Variants in DAG1 observed in about 807,000 individuals in gnomAD.
The protein encoded by DAG1 is dystroglycan 1, also known as dystroglycan 1 (dystrophin-associated glycoprotein 1).
A neutral mutation model predicts 46.1 loss-of-function variants in DAG1; 8 were observed. The ratio of observed to expected loss-of-function variants is 0.17; its 90% CI spans 0.10 to 0.31. The LOEUF is 0.31. Among genes scored for constraint, DAG1 ranks in the 10% least tolerant of loss-of-function variants. DAG1 has a pLI of 1.00. For missense variants in DAG1, 1,003 were observed against 1,189.9 expected (o/e 0.84, Z 2.31); for synonymous variants, 495 against 481.8 (o/e 1.03, Z -0.36).
At position 49,483,562 on chromosome 3, in the gene DAG1, T is replaced by G. The variant is rs920425048; in HGVS notation, c.-117+13129T>G. Among the ~76,000 whole-genome samples, 9 of 151,992 alleles carry G rather than the reference T, an allele frequency of 5.9e-5. No homozygotes were observed. The South Asian group carries it at 1.9e-3, about 32-fold the overall frequency. ...TCAGGGATACGTTGCCGTCTAGGAT[T>G]TTTTATATTGGAGACCAGTCTGATG... On this transcript the variant is annotated intron_variant, in intron 1 of 2. Coordinates refer to ENST00000308775, the MANE Select transcript of DAG1 (RefSeq NM_004393.6).
intron 2 of DAG1, among the ~76,000 whole-genome samples, chr3:49,521,605 G>T (rs746242107): frequency 2.0e-5 from 3 of 151,878 alleles, no homozygotes; most frequent in Non-Finnish European, 4.4e-5. Flanking sequence ...GGACCACCAC[G>T]CCCAGCTAAT....
intron 1 of DAG1, among the ~76,000 whole-genome samples, chr3:49,472,748 A>G (rs2049559257): frequency 6.6e-6 from 1 of 151,866 alleles, no homozygotes; most frequent in African/African-American, 2.4e-5. Context: ...CGGAGCTTGC[A>G]GTGAGTTGAG....
At chr3:49,479,937 C>G (rs1184555322) in intron 1 of DAG1, among the ~76,000 whole-genome samples, 2 of 128,884 alleles carry the variant, frequency 1.6e-5, no homozygotes, top group Non-Finnish European at 3.3e-5. Flanking sequence ...CCCGCGCCAG[C>G]CTGAATATAA....
Position 49,532,989 on chromosome 3 carries a change from AC to A in DAG1, c.2483del (p.Pro828LeufsTer15). The A allele has an allele frequency of 2.5e-6, 4 of 1,612,960 alleles. No homozygotes were observed. Among genetic ancestry groups the A allele is most frequent in the Non-Finnish European group, 3.4e-6 (4 of 1,179,758 alleles). On this transcript the variant is annotated frameshift_variant, in exon 3 of 3. Coordinates refer to ENST00000308775, the MANE Select transcript of DAG1 (RefSeq NM_004393.6). LOFTEE classifies it high-confidence loss of function. This position sits in a 1 kb window ranked among gnomAD's most constrained non-coding sequence, Gnocchi z 5.4. ...TTCTGCAGGAGGAGAAGGCTCCCCT[AC>A]CCCCTCCTGAGTACCCCAACCAGAG... ...LILQEEKAPL[P>X]PPEYPNQSVP...
At chr3:49,527,564 G>A (rs1274048154) in intron 2 of DAG1, among the ~76,000 whole-genome samples, 4 of 149,412 alleles carry the variant, frequency 2.7e-5, no homozygotes, top group Admixed American at 1.3e-4. Flanking sequence ...TTAGCCAGGC[G>A]TGGTGGCGGG....
intron 2 of DAG1, among the ~76,000 whole-genome samples, chr3:49,514,759 C>T (rs2050852761): frequency 6.6e-6 from 1 of 152,116 alleles, no homozygotes; most frequent in Non-Finnish European, 1.5e-5. Context: ...CTGCCTCAGC[C>T]TCCTGAGTAG....
At chr3:49,485,189 G>A (rs1248694279) in intron 1 of DAG1, among the ~76,000 whole-genome samples, 3 of 151,850 alleles carry the variant, frequency 2.0e-5, no homozygotes, top group African/African-American at 7.3e-5. Flanking sequence ...GGGTTTCACC[G>A]TGGTCTTGAT....
In DAG1 at chr3:49,533,295, C is replaced by T. The variant is rs770368348; in HGVS notation, c.*96C>T. ...CGGTGGCCTGCAGACCATTGCCCAC[C>T]GGGAGCCGACACCTGACCTAGCACA... On this transcript the variant is annotated 3_prime_UTR_variant, in exon 3 of 3. Transcript: ENST00000308775. 14 of 1,546,758 alleles carry T rather than the reference C, an allele frequency of 9.1e-6. No homozygotes were observed. Among genetic ancestry groups the T allele is most frequent in the Middle Eastern group, 1.7e-4 (1 of 6,004 alleles).
At chr3:49,497,486 A>G (rs528979234) in intron 1 of DAG1, among the ~76,000 whole-genome samples, 2 of 151,634 alleles carry the variant, frequency 1.3e-5, no homozygotes, top group South Asian at 4.2e-4. Context: ...TGGTGCTGTG[A>G]ACCAGTAGTC....
chr3:49,532,430 G>A lies in DAG1; in HGVS notation c.1919G>A (p.Arg640Gln), dbSNP rs753665385. 8 of 1,614,204 alleles carry A rather than the reference G, an allele frequency of 5.0e-6. No homozygotes were observed. The highest frequency in any genetic ancestry group is 2.2e-5 in the East Asian group (1 of 44,884). ...AAACTGGCCTTCGCCTTTGGAGACC[G>A]AAACTGTAGCACCATCACCCTGCAG... ...VKKLAFAFGD[R>Q]NCSTITLQNI... Residue 640 changes from arginine (R) to glutamine (Q), a missense_variant, in exon 3 of 3, where the codon CGA becomes CAA. Around this residue, in one of 3 missense-constraint regions of DAG1, gnomAD observed 755 missense variants for 854.1 expected, o/e 0.88. Coordinates refer to ENST00000308775, the MANE Select transcript of DAG1 (RefSeq NM_004393.6). The surrounding 1 kb of genome is among the most constrained non-coding windows in gnomAD (Gnocchi z 5.4).
intron 1 of DAG1, among the ~76,000 whole-genome samples, chr3:49,480,001 G>A (rs976806475): frequency 1.4e-5 from 2 of 143,208 alleles, no homozygotes; most frequent in African/African-American, 5.2e-5. Flanking sequence ...CCAGGCTGGA[G>A]TGCAGTGGCT....
At chr3:49,498,276 C>A (rs1179122488) in intron 1 of DAG1, among the ~76,000 whole-genome samples, 2 of 152,138 alleles carry the variant, frequency 1.3e-5, no homozygotes, top group Non-Finnish European at 2.9e-5. Context: ...GTCCCCTGAA[C>A]TGAGCACTTT....
intron 2 of DAG1, 129 bp from the exon 3 acceptor site, chr3:49,530,668 A>T: frequency 1.5e-6 from 2 of 1,342,128 alleles, no homozygotes; most frequent in Non-Finnish European, 2.1e-6. Flanking sequence ...GGGGGGAGGA[A>T]TCAGCTTCCC....
In DAG1 at chr3:49,531,942, T is replaced by G; in HGVS notation, c.1431T>G (p.Pro477=). The G allele has an allele frequency of 6.2e-7, 1 of 1,614,178 alleles. No individual in the cohort carries two copies. The highest frequency in any genetic ancestry group is 2.2e-5 in the East Asian group (1 of 44,874). The change falls in exon 3 of 3, where the codon CCT becomes CCG. Residue 477 remains proline (P), a synonymous_variant. Transcript: ENST00000308775. This position sits in a 1 kb window ranked among gnomAD's most constrained non-coding sequence, Gnocchi z 7.0. The part of the protein sequence containing the change: ...SITRLETASP[P]TRIRTTTSGV... ...CCAGATTGGAAACTGCCTCACCGCC[T>G]ACTCGTATTCGCACCACCACCAGTG...
chr3:49,485,657 CTTTT>C (rs749730213), intron 1 of DAG1, among the ~76,000 whole-genome samples: 45 of 82,080 alleles, frequency 5.5e-4, no homozygotes, highest in East Asian at 1.3e-3. Context: ...TGTTTTCTTT[CTTTT>C]TTTTTTTTTT....
intron 2 of DAG1, among the ~76,000 whole-genome samples, chr3:49,512,233 G>A (rs563990449): frequency 4.6e-5 from 7 of 151,292 alleles, no homozygotes; most frequent in African/African-American, 9.7e-5. Flanking sequence ...ACAGAGTTTC[G>A]CTCTTGTCGC....
intron 1 of DAG1, among the ~76,000 whole-genome samples, chr3:49,498,672 T>C (rs919909252): frequency 6.6e-6 from 1 of 151,708 alleles, no homozygotes; most frequent in African/African-American, 2.4e-5. Context: ...TTTAATCTGG[T>C]TTCAAAATGA....
At chr3:49,522,775 G>A (rs767516681) in intron 2 of DAG1, among the ~76,000 whole-genome samples, 1 of 152,148 alleles carries the variant, frequency 6.6e-6, no homozygotes, top group Non-Finnish European at 1.5e-5. Context: ...CGTCTCTAAG[G>A]GTTGCCGAAA....
intron 1 of DAG1, among the ~76,000 whole-genome samples, chr3:49,490,655 C>T (rs983146429): frequency 2.0e-5 from 3 of 151,356 alleles, no homozygotes; most frequent in African/African-American, 4.9e-5. Context: ...TTGCCACCTC[C>T]GCCTCCCAAG....
Sources: allele counts gnomAD v4.1 joint callset (sites outside exome capture counted in the v4.1 genomes callset), GRCh38; gene constraint gnomAD v4.1.1; regional missense constraint gnomAD v4.1.1; non-coding constraint Gnocchi (gnomAD v3.1); transcripts MANE v1.5; gene names NCBI Gene and HGNC (gene_info 2026-07-23, HGNC 2026-07-21).